The following POT1 variants were observed in gnomAD, a reference collection of about 807,000 sequenced individuals.
The protein encoded by POT1 is protection of telomeres 1.
POT1 carries 47 observed loss-of-function variants against 78.5 expected under a neutral mutation model. That is an observed-to-expected ratio of 0.60 (90% CI 0.47 to 0.76). The LOEUF is 0.76. POT1 is among the 30% of genes least tolerant of loss of function. POT1 has a pLI of 0.00. For synonymous variants in POT1, 259 were observed against 260.7 expected, an observed-to-expected ratio of 0.99 and a Z score of 0.06; for missense variants, 646 against 749.9, an observed-to-expected ratio of 0.86 and a Z score of 1.62.
intron 6 of POT1, among the ~76,000 whole-genome samples, chr7:124,876,971 TA>T (rs1796004567): frequency 6.6e-6 from 1 of 152,122 alleles, no homozygotes; most frequent in Non-Finnish European, 1.5e-5. Context: ...GCCCCAAAAG[TA>T]AATTGTTCAA....
chr7:124,873,818 G>A (rs1384578564), intron 6 of POT1, among the ~76,000 whole-genome samples: 1 of 152,162 alleles, frequency 6.6e-6, no homozygotes, highest in Non-Finnish European at 1.5e-5. Flanking sequence ...TGAAGGAAAG[G>A]AGAGTGGAAG....
chr7:124,866,690 A>G (rs1795733552), intron 7 of POT1, among the ~76,000 whole-genome samples: 1 of 152,164 alleles, frequency 6.6e-6, no homozygotes, highest in Non-Finnish European at 1.5e-5. Flanking sequence ...TGGTTGAGAA[A>G]ATGTCTATAG....
intron 15 of POT1, among the ~76,000 whole-genome samples, chr7:124,830,306 T>C (rs967000760): frequency 7.2e-5 from 11 of 152,126 alleles, no homozygotes; most frequent in South Asian, 2.1e-4. Context: ...TTATGAGATG[T>C]TGATAAGAAA....
At chr7:124,872,628 G>A (rs970568625) in intron 6 of POT1, among the ~76,000 whole-genome samples, 5 of 152,072 alleles carry the variant, frequency 3.3e-5, no homozygotes, top group Admixed American at 1.3e-4. Flanking sequence ...TCACAGATAC[G>A]TATATTTAGG....
At chr7:124,828,761 G>T (rs1449038523) in intron 16 of POT1, among the ~76,000 whole-genome samples, 1 of 152,136 alleles carries the variant, frequency 6.6e-6, no homozygotes, top group Non-Finnish European at 1.5e-5. Context: ...TCATGTGACA[G>T]GACCCTAGGA....
intron 2 of POT1, among the ~76,000 whole-genome samples, chr7:124,922,005 C>T (rs1413778067): frequency 3.3e-5 from 5 of 151,850 alleles, no homozygotes; most frequent in African/African-American, 4.8e-5. Context: ...GCCAGTCCAA[C>T]TGCTGAAACT....
In POT1 at chr7:124,841,943, C is replaced by T. The variant is rs541492184; in HGVS notation, c.1164-765G>A. On this transcript the variant is annotated intron_variant, in intron 13 of 18. Transcript: ENST00000357628. Reference sequence around the variant, plus strand: ...CAAGCTCAAATGGGTAAAAACAGTTCCCTCACATTTTATTTAAAGAGATTT... The same window carrying T: ...CAAGCTCAAATGGGTAAAAACAGTTTCCTCACATTTTATTTAAAGAGATTT... Among the ~76,000 whole-genome samples the T allele has an allele frequency of 4.0e-5, 6 of 151,894 alleles. No individual in the cohort carries two copies. The East Asian group carries it at 9.7e-4, about 24-fold the overall frequency.
At chr7:124,837,954 T>A (rs1051634076) in intron 14 of POT1, among the ~76,000 whole-genome samples, 1 of 152,154 alleles carries the variant, frequency 6.6e-6, no homozygotes, top group Non-Finnish European at 1.5e-5. Flanking sequence ...AAAAATTGTA[T>A]GATCATATTA....
intron 5 of POT1, among the ~76,000 whole-genome samples, chr7:124,893,823 T>A (rs892015077): frequency 2.0e-5 from 3 of 151,536 alleles, no homozygotes; most frequent in Non-Finnish European, 4.4e-5. Context: ...ATTACTGCCT[T>A]AAAGACAGCG....
chr7:124,838,776 T>C (rs1794956726), intron 14 of POT1, among the ~76,000 whole-genome samples: 1 of 152,146 alleles, frequency 6.6e-6, no homozygotes, highest in Non-Finnish European at 1.5e-5. Context: ...TGGCTAATTT[T>C]GTATTTTTAG....
chr7:124,877,092 T>C (rs1031291572), intron 6 of POT1, among the ~76,000 whole-genome samples: 3 of 152,188 alleles, frequency 2.0e-5, no homozygotes, highest in African/African-American at 7.2e-5. Flanking sequence ...ATTGTGAAAT[T>C]AGGGAACACC....
intron 6 of POT1, among the ~76,000 whole-genome samples, chr7:124,884,510 A>G (rs1024976458): frequency 3.9e-5 from 6 of 152,160 alleles, no homozygotes; most frequent in African/African-American, 1.2e-4. Context: ...GGTAAGAGAA[A>G]CAAGTAATTT....
chr7:124,832,004 A>T (rs1427436527), intron 15 of POT1, among the ~76,000 whole-genome samples: 1 of 124,026 alleles, frequency 8.1e-6, no homozygotes, highest in Non-Finnish European at 1.8e-5. Flanking sequence ...AAAAATAAAA[A>T]AAAAAAAAAA....
intron 9 of POT1, among the ~76,000 whole-genome samples, chr7:124,853,719 T>G (rs1196555158): frequency 1.0e-5 from 1 of 95,360 alleles, no homozygotes; most frequent in African/African-American, 4.2e-5. Context: ...CTCCTTGAGT[T>G]CAAACGTAAG....
intron 15 of POT1, among the ~76,000 whole-genome samples, chr7:124,831,286 A>G (rs1353377686): frequency 6.6e-6 from 1 of 152,196 alleles, no homozygotes; most frequent in Non-Finnish European, 1.5e-5. Flanking sequence ...CCCATAAAGC[A>G]AAACTTATAT....
intron 3 of POT1, among the ~76,000 whole-genome samples, chr7:124,905,068 C>T (rs1167667044): frequency 6.6e-6 from 1 of 152,170 alleles, no homozygotes. Context: ...GGCCATACTG[C>T]CCAAGGTAAT....
At chr7:124,844,603 CG>C (rs1295337203) in intron 12 of POT1, among the ~76,000 whole-genome samples, 1 of 150,688 alleles carries the variant, frequency 6.6e-6, no homozygotes, top group African/African-American at 2.4e-5. Context: ...GGTGTGGTGG[CG>C]GGCACCTGTA....
intron 15 of POT1, 78 bp downstream of exon 15, chr7:124,835,201 C>T: frequency 6.5e-7 from 1 of 1,536,936 alleles, no homozygotes; most frequent in Non-Finnish European, 8.9e-7. Flanking sequence ...ACGTAACAAA[C>T]CTCCATGTTC....
rs950983061 is a variant in POT1, at chr7:124,823,145, A to G, written c.*817T>C. 6.6e-6 allele frequency: 1 copy of G among 152,322 alleles called. No individual in the cohort carries two copies. Among genetic ancestry groups the G allele is most frequent in the African/African-American group, 2.4e-5 (1 of 41,458 alleles). 9.4% of individuals were successfully genotyped at this position (152,322 alleles called of 1,614,324 possible). A position where few individuals can be genotyped will look rare whatever the true frequency, so the allele number is the denominator to read the frequency against. On this transcript the variant is annotated 3_prime_UTR_variant, in exon 19 of 19. Coordinates refer to ENST00000357628, the MANE Select transcript of POT1 (RefSeq NM_015450.3). ...CAAATACATGTTTAGTGCTTAGCAC[A>G]GTACCTGGGATGTAGACAGCCCTAA... is the stretch of plus-strand genomic sequence containing the variant.
Sources: allele counts gnomAD v4.1 joint callset (sites outside exome capture counted in the v4.1 genomes callset), GRCh38; gene constraint gnomAD v4.1.1; transcripts MANE v1.5; gene names NCBI Gene and HGNC (gene_info 2026-07-23, HGNC 2026-07-21).